The following SLC2A2 variants were observed in gnomAD, a reference collection of about 807,000 sequenced individuals.
SLC2A2 encodes solute carrier family 2 member 2, also known as solute carrier family 2, facilitated glucose transporter member 2.
In SLC2A2, 36 loss-of-function variants were observed where a neutral mutation model predicts 54.5. The observed-to-expected ratio is 0.66, with a 90% CI of 0.51 to 0.87. The LOEUF is 0.87. Among genes scored for constraint, SLC2A2 ranks in the 40% least tolerant of loss-of-function variants. The pLI, the probability that SLC2A2 is intolerant of heterozygous loss-of-function variation, is 0.00. For missense variants in SLC2A2, 543 were observed against 624.3 expected (o/e 0.87, Z 1.39); for synonymous variants, 223 against 219.1 (o/e 1.02, Z -0.16).
At chr3:171,012,782 T>C (rs1715955029) in intron 3 of SLC2A2, among the ~76,000 whole-genome samples, 1 of 152,160 alleles carries the variant, frequency 6.6e-6, no homozygotes, top group Admixed American at 6.6e-5. Context: ...AGTTATGGAC[T>C]TTTGGGCTGC....
At chr3:171,023,183 C>T (rs571302363) in intron 1 of SLC2A2, among the ~76,000 whole-genome samples, 46 of 152,292 alleles carry the variant, frequency 3.0e-4, no homozygotes, top group South Asian at 4.1e-4. Context: ...CTTATTTTAA[C>T]TCCTCAAGAT....
intron 1 of SLC2A2, among the ~76,000 whole-genome samples, chr3:171,025,177 A>C (rs1246845205): frequency 6.6e-6 from 1 of 152,054 alleles, no homozygotes; most frequent in Non-Finnish European, 1.5e-5. Flanking sequence ...TATAATACTC[A>C]TGAAATCATG....
intron 1 of SLC2A2, among the ~76,000 whole-genome samples, chr3:171,019,752 A>G (rs1044342643): frequency 3.5e-4 from 53 of 152,218 alleles, no homozygotes; most frequent in African/African-American, 1.2e-3. Flanking sequence ...TGGCGAAGGA[A>G]GTTATGTAAT....
chr3:171,024,458 G>T (rs1197931347), intron 1 of SLC2A2, among the ~76,000 whole-genome samples: 1 of 152,098 alleles, frequency 6.6e-6, no homozygotes, highest in Non-Finnish European at 1.5e-5. Context: ...GGTCTTAAAC[G>T]CCACTGCTAA....
chr3:171,012,590 T>A (rs1302107963), intron 3 of SLC2A2, among the ~76,000 whole-genome samples: 1 of 152,132 alleles, frequency 6.6e-6, no homozygotes, highest in Non-Finnish European at 1.5e-5. Flanking sequence ...TATTACACAA[T>A]TGCAAGGAAA....
intron 7 of SLC2A2, among the ~76,000 whole-genome samples, chr3:171,002,993 C>T (rs767896578): frequency 6.6e-6 from 1 of 151,928 alleles, no homozygotes; most frequent in Non-Finnish European, 1.5e-5. Flanking sequence ...AAATATGCAG[C>T]TTAATTAATT....
intron 3 of SLC2A2, among the ~76,000 whole-genome samples, chr3:171,011,221 C>T (rs895092905): frequency 7.2e-5 from 11 of 152,098 alleles, no homozygotes; most frequent in African/African-American, 2.4e-4. Flanking sequence ...GTAAATGTTA[C>T]GTCACATAGC....
intron 1 of SLC2A2, among the ~76,000 whole-genome samples, chr3:171,024,924 C>T (rs543323521): frequency 7.2e-5 from 11 of 152,264 alleles, no homozygotes; most frequent in Admixed American, 5.9e-4. Context: ...AGATCTACAA[C>T]GTAATTTCAA....
At chr3:170,999,254 CA>C (rs1715236437) in intron 8 of SLC2A2, 88 bp from the exon 9 acceptor site, 1 of 877,498 alleles carries the variant, frequency 1.1e-6, no homozygotes, top group Non-Finnish European at 1.9e-6. Flanking sequence ...CCAAAGAGGT[CA>C]TTTTAATTTA....
chr3:170,997,079 T>TC lies in SLC2A2; in HGVS notation c.*823dup. 6.4e-6 allele frequency: 1 copy of TC among 156,194 alleles called. No homozygotes were observed. The highest frequency in any genetic ancestry group is 1.4e-5 in the Non-Finnish European group (1 of 70,904). 9.7% of individuals were successfully genotyped at this position (156,194 alleles called of 1,614,324 possible). On this transcript the variant is annotated 3_prime_UTR_variant, in exon 11 of 11. Transcript: ENST00000314251. ...TTGAGTGTATGTGAAAACCAGGCTGTCCTCAATTAAAAAGCAAAGCAAACT... is the reference window on the plus strand; with the variant it reads ...TTGAGTGTATGTGAAAACCAGGCTGTCCCTCAATTAAAAAGCAAAGCAAACT...
chr3:171,018,423 G>T (rs1439306461), intron 2 of SLC2A2, 108 bp downstream of exon 2: 1 of 826,046 alleles, frequency 1.2e-6, no homozygotes, highest in Non-Finnish European at 2.1e-6. Context: ...GGCCAGGATG[G>T]CCTTGTGTCT....
intron 1 of SLC2A2, among the ~76,000 whole-genome samples, chr3:171,021,843 T>A (rs987865186): frequency 6.6e-6 from 1 of 152,204 alleles, no homozygotes; most frequent in Non-Finnish European, 1.5e-5. Context: ...TGGCTACTGG[T>A]ATCTTTCTTT....
At position 170,996,466 on chromosome 3, in the gene SLC2A2, A is replaced by G. The variant is rs928555358; in HGVS notation, c.*1437T>C. 7.6e-6 allele frequency: 3 copies of G among 395,092 alleles called. No individual in the cohort carries two copies. The highest frequency in any genetic ancestry group is 8.8e-5 in the Admixed American group (2 of 22,636). 24.5% of individuals were successfully genotyped at this position (395,092 alleles called of 1,614,324 possible). A position where few individuals can be genotyped will look rare whatever the true frequency, so the allele number is the denominator to read the frequency against. On this transcript the variant is annotated 3_prime_UTR_variant, in exon 11 of 11. Transcript: ENST00000314251. ...TTTCACTCTTAAAGAGTACTTTTTA[A>G]AAAGTGCTTTTCTTCAATACACATT...
At chr3:171,007,071 G>A (rs1576831054) in intron 5 of SLC2A2, 77 bp downstream of exon 5, 4 of 813,208 alleles carry the variant, frequency 4.9e-6, no homozygotes, top group African/African-American at 1.7e-5. Flanking sequence ...GTACAGTAGG[G>A]GATGCAATAG....
At chr3:171,002,248 G>T (rs1035033315) in intron 8 of SLC2A2, among the ~76,000 whole-genome samples, 8 of 151,896 alleles carry the variant, frequency 5.3e-5, no homozygotes, top group African/African-American at 1.9e-4. Context: ...TACTCCCAAG[G>T]GGTTTATGTA....
chr3:170,996,554 G>A lies in SLC2A2; in HGVS notation c.*1349C>T, dbSNP rs112957674. The A allele has an allele frequency of 3.3e-3, 1,329 of 397,682 alleles. 11 individuals carry two copies. Among genetic ancestry groups the A allele is most frequent in the African/African-American group, 0.024 (1,183 of 48,690 alleles). The allele number at this position is 397,682 out of a possible 1,614,324, so 24.6% of individuals were successfully genotyped here. On this transcript the variant is annotated 3_prime_UTR_variant, in exon 11 of 11. Transcript: ENST00000314251. ...GGTGGAGAAAACAGCCTAGAGATAC[G>A]TTAGCACCCTGCTAAGCTTTTGGGA...
At chr3:171,007,871 G>C (rs1020927564) in intron 4 of SLC2A2, among the ~76,000 whole-genome samples, 1 of 152,062 alleles carries the variant, frequency 6.6e-6, no homozygotes, top group African/African-American at 2.4e-5. Context: ...GGGAAACCCA[G>C]CTTCTTTATT....
At position 170,997,897 on chromosome 3, in the gene SLC2A2, T is replaced by A. The variant is rs1715155844; in HGVS notation, c.*6A>T. 1.2e-6 allele frequency: 2 copies of A among 1,611,128 alleles called. No individual in the cohort carries two copies. Among genetic ancestry groups the A allele is most frequent in the Admixed American group, 1.7e-5 (1 of 59,840 alleles). ...TCTGTTCATGTCAAAAAGCAGGGTT[T>A]TTTTTTTACACAGTCTCTGTAGCTC... is the stretch of plus-strand genomic sequence containing the variant. On this transcript the variant is annotated 3_prime_UTR_variant, in exon 11 of 11. Coordinates refer to ENST00000314251, the MANE Select transcript of SLC2A2 (RefSeq NM_000340.2).
intron 8 of SLC2A2, among the ~76,000 whole-genome samples, chr3:171,001,302 G>A (rs1715322561): frequency 1.3e-5 from 2 of 151,996 alleles, no homozygotes; most frequent in South Asian, 4.1e-4. Context: ...AAATATTCCA[G>A]GAGACAAAAG....
Sources: allele counts gnomAD v4.1 joint callset (sites outside exome capture counted in the v4.1 genomes callset), GRCh38; gene constraint gnomAD v4.1.1; transcripts MANE v1.5; gene names NCBI Gene and HGNC (gene_info 2026-07-23, HGNC 2026-07-21).